The following EYS variants were observed in gnomAD, a reference collection of about 807,000 sequenced individuals.
EYS encodes EGF-like photoreceptor maintenance factor.
Under a neutral mutation model 282.1 loss-of-function variants are expected in EYS, and 250 were observed. The observed-to-expected ratio is 0.89, with a 90% CI of 0.80 to 0.98. The LOEUF is 0.98. EYS is among the 50% of genes least tolerant of loss of function. EYS has a pLI of 0.00. For missense variants in EYS, 4,016 were observed against 3,709.0 expected (o/e 1.08, Z -2.15); for synonymous variants, 1,355 against 1,282.9 (o/e 1.06, Z -1.20).
chr6:64,757,277 T>C (rs1403222974), intron 22 of EYS, among the ~76,000 whole-genome samples: 2 of 152,204 alleles, frequency 1.3e-5, no homozygotes, highest in African/African-American at 4.8e-5. Flanking sequence ...GATTTCTCCC[T>C]GACTGTCTCA....
In EYS at chr6:65,113,438, A is replaced by G. The variant is rs371382123; in HGVS notation, c.2024-55711T>C. ...TTATTCCTGAGAAAATACAGAGTTCAGTCACATAATAATGCTTTTGACCAA... is the reference window on the plus strand; with the variant it reads ...TTATTCCTGAGAAAATACAGAGTTCGGTCACATAATAATGCTTTTGACCAA... On this transcript the variant is annotated intron_variant, in intron 12 of 42. Coordinates refer to ENST00000503581, the MANE Select transcript of EYS (RefSeq NM_001142800.2). Among the ~76,000 whole-genome samples, 45 of 152,158 alleles carry G rather than the reference A, an allele frequency of 3.0e-4. No individual in the cohort carries two copies. The South Asian group carries it at 9.3e-3, about 32-fold the overall frequency.
At chr6:65,200,589 A>G (rs1765876430) in intron 12 of EYS, among the ~76,000 whole-genome samples, 1 of 151,690 alleles carries the variant, frequency 6.6e-6, no homozygotes, top group South Asian at 2.1e-4. Context: ...TGATTTTTAA[A>G]AAGAAAGCTA....
At chr6:64,427,487 AACTTAACTTTCCTATTGT>A (rs1177495839) in intron 28 of EYS, among the ~76,000 whole-genome samples, 1 of 152,044 alleles carries the variant, frequency 6.6e-6, no homozygotes, top group Non-Finnish European at 1.5e-5. Flanking sequence ...AATGCTTTGA[AACTTAACTTTCCTATTGT>A]TGTATTGATT....
intron 31 of EYS, among the ~76,000 whole-genome samples, chr6:64,130,174 T>C (rs1315950590): frequency 6.6e-6 from 1 of 152,198 alleles, no homozygotes; most frequent in East Asian, 1.9e-4. Context: ...TAAAGACACA[T>C]GCACATGTAT....
intron 12 of EYS, among the ~76,000 whole-genome samples, chr6:65,087,549 A>C (rs140241947): frequency 5.9e-5 from 9 of 152,054 alleles, no homozygotes; most frequent in Admixed American, 1.3e-4. Context: ...CACCCACCTC[A>C]TATTAATTGG....
rs143148207 is a variant in EYS, at chr6:65,365,368, A to G, written c.1300-11751T>C. Reference sequence around the variant, plus strand: ...AGGTTTAGATTGGAAATGATTATGAAGAACTGAGCAAAAGATAGAAAATAT... The same window carrying G: ...AGGTTTAGATTGGAAATGATTATGAGGAACTGAGCAAAAGATAGAAAATAT... On this transcript the variant is annotated intron_variant, in intron 8 of 42. Transcript: ENST00000503581. Among the ~76,000 whole-genome samples, 278 of 151,682 alleles carry G rather than the reference A, an allele frequency of 1.8e-3. 1 individual carries two copies. Among genetic ancestry groups the G allele is most frequent in the African/African-American group, 6.3e-3 (263 of 41,506 alleles).
intron 29 of EYS, among the ~76,000 whole-genome samples, chr6:64,321,501 A>G (rs1485048556): frequency 6.6e-6 from 1 of 151,940 alleles, no homozygotes; most frequent in Middle Eastern, 3.2e-3. Context: ...TATTATGGTG[A>G]GTAAATTAAT....
intron 12 of EYS, among the ~76,000 whole-genome samples, chr6:65,244,368 A>G (rs1324839993): frequency 1.3e-5 from 2 of 152,176 alleles, no homozygotes; most frequent in African/African-American, 2.4e-5. Flanking sequence ...ATTAGCACAT[A>G]AGTTATTCTT....
intron 30 of EYS, among the ~76,000 whole-genome samples, chr6:64,233,253 C>G (rs1214946742): frequency 2.0e-5 from 3 of 152,018 alleles, no homozygotes; most frequent in Non-Finnish European, 4.4e-5. Context: ...TTGAAAGAAA[C>G]ATTAATCATT....
chr6:64,453,431 T>C (rs1396806698), intron 26 of EYS, among the ~76,000 whole-genome samples: 1 of 152,188 alleles, frequency 6.6e-6, no homozygotes, highest in Non-Finnish European at 1.5e-5. Flanking sequence ...AGTTCAACCA[T>C]TGTGGAAGTC....
intron 12 of EYS, among the ~76,000 whole-genome samples, chr6:65,293,770 T>C (rs1218758015): frequency 1.3e-5 from 2 of 151,844 alleles, no homozygotes; most frequent in Non-Finnish European, 2.9e-5. Flanking sequence ...CAGGTGATTC[T>C]ACTAACATAA....
chr6:64,088,139 T>A (rs927758420), intron 31 of EYS, among the ~76,000 whole-genome samples: 1 of 152,062 alleles, frequency 6.6e-6, no homozygotes, highest in African/African-American at 2.4e-5. Flanking sequence ...AGTGGATATG[T>A]TGAAAAACAG....
chr6:64,695,938 T>G (rs530528598), intron 22 of EYS, among the ~76,000 whole-genome samples: 1 of 152,298 alleles, frequency 6.6e-6, no homozygotes, highest in East Asian at 1.9e-4. Context: ...GTCATAATAC[T>G]GGAAGTATTT....
intron 31 of EYS, among the ~76,000 whole-genome samples, chr6:64,177,036 CAT>C (rs1162790952): frequency 1.3e-5 from 2 of 151,614 alleles, no homozygotes; most frequent in Non-Finnish European, 2.9e-5. Context: ...TAATTGAAAA[CAT>C]AAGTTATGAA....
chr6:63,819,971 A>G (rs1447711000), intron 36 of EYS, among the ~76,000 whole-genome samples: 1 of 152,204 alleles, frequency 6.6e-6, no homozygotes, highest in Non-Finnish European at 1.5e-5. Context: ...AGGATTCAAC[A>G]GTGACACTTC....
At chr6:64,936,011 A>G (rs532427964) in intron 15 of EYS, among the ~76,000 whole-genome samples, 2 of 151,720 alleles carry the variant, frequency 1.3e-5, no homozygotes, top group African/African-American at 4.8e-5. Context: ...ACAGATCAAT[A>G]TGCCTTAGGA....
intron 31 of EYS, among the ~76,000 whole-genome samples, chr6:64,230,121 AT>A (rs576380163): frequency 1.6e-4 from 24 of 152,330 alleles, no homozygotes; most frequent in African/African-American, 5.8e-4. Context: ...TAACAGCTTC[AT>A]TAATGTTAAA....
At chr6:65,272,956 C>T (rs1222801406) in intron 12 of EYS, among the ~76,000 whole-genome samples, 1 of 152,106 alleles carries the variant, frequency 6.6e-6, no homozygotes, top group East Asian at 1.9e-4. Flanking sequence ...TCACAGTGCT[C>T]TTGCATTTTG....
intron 5 of EYS, among the ~76,000 whole-genome samples, chr6:65,443,404 A>G (rs1039151876): frequency 2.0e-5 from 3 of 150,448 alleles, no homozygotes; most frequent in African/African-American, 4.9e-5. Context: ...ACATGTATGT[A>G]CACATATAGC....
Sources: gnomAD v4.1 joint callset for allele counts (sites outside exome capture counted in the v4.1 genomes callset) on GRCh38, gnomAD v4.1.1 for gene constraint, MANE v1.5 for transcripts, NCBI Gene and HGNC (gene_info 2026-07-23, HGNC 2026-07-21) for gene names.